OXR1: variants seen among roughly 807,000 people sequenced by gnomAD.
The protein encoded by OXR1 is oxidation resistance 1.
OXR1 carries 41 observed loss-of-function variants against 104.6 expected under a neutral mutation model. That is an observed-to-expected ratio of 0.39 (90% CI 0.31 to 0.51). The LOEUF (loss-of-function observed/expected upper bound fraction) is 0.51. OXR1 is among the 20% of genes least tolerant of loss of function. OXR1 has a pLI of 0.77. For synonymous variants in OXR1, 348 were observed against 348.4 expected, an observed-to-expected ratio of 1.00 and a Z score of 0.01; for missense variants, 955 against 1,031.9, an observed-to-expected ratio of 0.93 and a Z score of 1.02.
At chr8:106,518,390 T>C (rs2130102572) in intron 2 of OXR1, among the ~76,000 whole-genome samples, 1 of 152,318 alleles carries the variant, frequency 6.6e-6, no homozygotes, top group South Asian at 2.1e-4. Context: ...CTTTTTGCTT[T>C]CCATGTTAGG....
At chr8:106,315,259 T>G (rs185581920) in intron 1 of OXR1, among the ~76,000 whole-genome samples, 99 of 152,234 alleles carry the variant, frequency 6.5e-4, no homozygotes, top group Non-Finnish European at 1.5e-5. Flanking sequence ...TTTCAAAGGA[T>G]TGTTGTAAAT....
intron 1 of OXR1, among the ~76,000 whole-genome samples, chr8:106,280,223 C>T (rs1812221048): frequency 2.0e-5 from 3 of 152,146 alleles, no homozygotes; most frequent in Admixed American, 2.0e-4. Flanking sequence ...TGTATTATCT[C>T]AACAATGTCT....
At chr8:106,285,534 AT>A (rs559261236) in intron 1 of OXR1, among the ~76,000 whole-genome samples, 148 of 151,804 alleles carry the variant, frequency 9.7e-4, no homozygotes, top group Middle Eastern at 3.4e-3. Flanking sequence ...CATATGTGCA[AT>A]TTCTGAAACG....
intron 14 of OXR1, among the ~76,000 whole-genome samples, chr8:106,741,476 C>T (rs1834912810): frequency 1.3e-5 from 2 of 152,086 alleles, no homozygotes; most frequent in African/African-American, 4.8e-5. Flanking sequence ...TAGTTCTAAA[C>T]TGAGCTATGT....
chr8:106,671,585 T>C (rs1826984182), intron 3 of OXR1, among the ~76,000 whole-genome samples: 1 of 151,928 alleles, frequency 6.6e-6, no homozygotes, highest in Non-Finnish European at 1.5e-5. Flanking sequence ...CCATCAGTGA[T>C]AGACTGGATT....
intron 1 of OXR1, among the ~76,000 whole-genome samples, chr8:106,283,632 C>T (rs1295549962): frequency 2.6e-5 from 4 of 152,154 alleles, no homozygotes; most frequent in Non-Finnish European, 2.9e-5. Context: ...CAAAGGGCCT[C>T]CCCCTGAGGA....
intron 3 of OXR1, among the ~76,000 whole-genome samples, chr8:106,662,839 GGA>G (rs1825898906): frequency 2.0e-5 from 3 of 149,002 alleles, no homozygotes; most frequent in Non-Finnish European, 4.5e-5. Flanking sequence ...TCAGTAAATG[GGA>G]TGATGATGAT....
At chr8:106,589,356 T>TC (rs1554599475) in intron 3 of OXR1, among the ~76,000 whole-genome samples, 5 of 151,340 alleles carry the variant, frequency 3.3e-5, no homozygotes, top group Non-Finnish European at 7.4e-5. Context: ...TTTTTTTTTT[T>TC]CCACAGCAGA....
intron 1 of OXR1, among the ~76,000 whole-genome samples, chr8:106,313,377 T>G (rs1216512076): frequency 2.6e-5 from 4 of 152,072 alleles, no homozygotes; most frequent in Non-Finnish European, 4.4e-5. Flanking sequence ...GAAACCAATA[T>G]AATTAGGGTA....
At chr8:106,331,997 AGTGTGTGTGTGTGTGTGT>A (rs3073756) in intron 1 of OXR1, among the ~76,000 whole-genome samples, 3 of 138,078 alleles carry the variant, frequency 2.2e-5, no homozygotes, top group East Asian at 4.4e-4. Flanking sequence ...GAAAGAACAT[AGTGTGTGTGTGTGTGTGT>A]GTGTGTGTGT....
Position 106,475,377 on chromosome 8 carries a change from A to G in OXR1, c.24-43566A>G, listed in dbSNP as rs1254708807. Among the ~76,000 whole-genome samples the G allele has an allele frequency of 2.6e-5, 4 of 151,944 alleles. No homozygotes were observed. The East Asian group carries it at 7.8e-4, about 29-fold the overall frequency. ...ATTAAGTGGAAGTGGATCAACCTAA[A>G]GGTCTTCATCCTTGTCTTCACATTG... On this transcript the variant is annotated intron_variant, in intron 2 of 16. Coordinates refer to ENST00000517566, the MANE Select transcript of OXR1 (RefSeq NM_001198533.2).
At chr8:106,495,608 T>G (rs1425830091) in intron 2 of OXR1, among the ~76,000 whole-genome samples, 2 of 152,162 alleles carry the variant, frequency 1.3e-5, no homozygotes, top group African/African-American at 4.8e-5. Context: ...CTGTGTATCC[T>G]GGGGTAAGAT....
chr8:106,484,759 G>T (rs943842343), intron 2 of OXR1, among the ~76,000 whole-genome samples: 5 of 151,794 alleles, frequency 3.3e-5, no homozygotes, highest in African/African-American at 1.2e-4. Context: ...GGACAGTTTG[G>T]TGTTTTTTTA....
At chr8:106,665,542 T>A (rs1330937416) in intron 3 of OXR1, among the ~76,000 whole-genome samples, 1 of 152,214 alleles carries the variant, frequency 6.6e-6, no homozygotes, top group Non-Finnish European at 1.5e-5. Flanking sequence ...TAAAGCACCT[T>A]AGAAAGTGTT....
chr8:106,390,288 A>G (rs1471127654), intron 2 of OXR1, among the ~76,000 whole-genome samples: 1 of 152,184 alleles, frequency 6.6e-6, no homozygotes, highest in Non-Finnish European at 1.5e-5. Context: ...TAGGGACACT[A>G]CTGGGACACC....
At position 106,280,160 on chromosome 8, in the gene OXR1, T is replaced by C. The variant is rs116579025; in HGVS notation, c.-139+9793T>C. Among the ~76,000 whole-genome samples the C allele has an allele frequency of 9.9e-3, 1,503 of 152,274 alleles. 15 individuals carry two copies. The highest frequency in any genetic ancestry group is 0.033 in the African/African-American group (1,363 of 41,558). On this transcript the variant is annotated intron_variant, in intron 1 of 16. Coordinates refer to ENST00000517566, the MANE Select transcript of OXR1 (RefSeq NM_001198533.2). The stretch of plus-strand genomic sequence containing the variant: ...TGTCCATTCAGGATGCAGAAACTTG[T>C]TTTAGTGATCATGAATTACTAGAAA...
chr8:106,561,387 C>T (rs1483062116), intron 3 of OXR1, among the ~76,000 whole-genome samples: 5 of 152,280 alleles, frequency 3.3e-5, no homozygotes, highest in African/African-American at 4.8e-5. Flanking sequence ...GACCCCACCA[C>T]GGTGCTGCAA....
intron 3 of OXR1, among the ~76,000 whole-genome samples, chr8:106,547,656 C>A (rs975004562): frequency 6.6e-6 from 1 of 152,000 alleles, no homozygotes; most frequent in Non-Finnish European, 1.5e-5. Flanking sequence ...CCATGCCCAG[C>A]TAATTTTTGT....
chr8:106,585,768 A>G (rs1818583909), intron 3 of OXR1, among the ~76,000 whole-genome samples: 1 of 152,198 alleles, frequency 6.6e-6, no homozygotes, highest in Non-Finnish European at 1.5e-5. Context: ...TAAGTAAAAA[A>G]TTGAAGGAGG....
Sources: allele counts gnomAD v4.1 joint callset (sites outside exome capture counted in the v4.1 genomes callset), GRCh38; gene constraint gnomAD v4.1.1; transcripts MANE v1.5; gene names NCBI Gene and HGNC (gene_info 2026-07-23, HGNC 2026-07-21).